LMO7: variants seen among roughly 807,000 people sequenced by gnomAD.
The protein encoded by LMO7 is LIM domain only protein 7.
Under a neutral mutation model 206.5 loss-of-function variants are expected in LMO7, and 120 were observed. The observed-to-expected ratio is 0.58, with a 90% CI of 0.50 to 0.68. The LOEUF is 0.68. Among genes scored for constraint, LMO7 ranks in the 30% least tolerant of loss-of-function variants. The pLI, the probability that LMO7 is intolerant of heterozygous loss-of-function variation, is 0.00. For synonymous variants in LMO7, 706 were observed against 681.5 expected (o/e 1.04, Z -0.56); for missense variants, 1,959 against 1,957.9 (o/e 1.00, Z -0.01).
chr13:75,745,221 A>T (rs937003615), intron 3 of LMO7, among the ~76,000 whole-genome samples: 9 of 152,250 alleles, frequency 5.9e-5, no homozygotes, highest in East Asian at 1.9e-4. Flanking sequence ...GAATGAGAAG[A>T]AGTAGTCAAG....
chr13:75,836,323 C>G, intron 18 of LMO7, 74 bp from the exon 19 acceptor site: 4 of 733,832 alleles, frequency 5.5e-6, no homozygotes, highest in Non-Finnish European at 9.2e-6. Context: ...ATATATTTCA[C>G]TAATGCGAAA....
At chr13:75,855,510 T>G (rs910140692) in intron 29 of LMO7, 142 bp downstream of exon 29, 11 of 507,188 alleles carry the variant, frequency 2.2e-5, no homozygotes, top group Admixed American at 3.4e-5. Context: ...AGTCACAAAT[T>G]GCTTGCTCCT....
chr13:75,805,902 A>G (rs1188658821), intron 9 of LMO7, 142 bp downstream of exon 9: 14 of 1,131,494 alleles, frequency 1.2e-5, no homozygotes, highest in East Asian at 2.4e-5. Context: ...TATATAATGG[A>G]AATGAATTTC....
intron 1 of LMO7, among the ~76,000 whole-genome samples, chr13:75,677,441 A>T (rs971576854): frequency 3.9e-5 from 6 of 152,236 alleles, no homozygotes; most frequent in Non-Finnish European, 8.8e-5. Context: ...TGGCTAAAAA[A>T]GCCAGTGACT....
chr13:75,807,086 A>G, intron 9 of LMO7: 1 of 179,584 alleles, frequency 5.6e-6, no homozygotes, highest in East Asian at 1.4e-4. Flanking sequence ...GCGCCACTGC[A>G]CTCAGCCTGG....
At chr13:75,845,197 A>G (rs1210286516) in intron 25 of LMO7, 130 bp from the exon 26 acceptor site, 1 of 486,310 alleles carries the variant, frequency 2.1e-6, no homozygotes, top group African/African-American at 2.0e-5. Context: ...GTTTAAACAT[A>G]ATTGCTCTCA....
At chr13:75,829,615 C>G (rs999491642) in intron 15 of LMO7, among the ~76,000 whole-genome samples, 2 of 152,100 alleles carry the variant, frequency 1.3e-5, no homozygotes, top group African/African-American at 4.8e-5. Context: ...ACTTTAACAA[C>G]TAAGTAGGCT....
At chr13:75,838,420 T>C in intron 20 of LMO7, 41 of 491,378 alleles carry the variant, frequency 8.3e-5, no homozygotes, top group East Asian at 2.1e-4. Context: ...TTTGTATACC[T>C]CTAAACATTT....
chr13:75,683,477 C>A (rs1446214303), intron 1 of LMO7, among the ~76,000 whole-genome samples: 1 of 152,142 alleles, frequency 6.6e-6, no homozygotes, highest in Non-Finnish European at 1.5e-5. Flanking sequence ...GATTATCATT[C>A]TTATTTAATA....
chr13:75,854,036 T>C (rs1056739227), intron 28 of LMO7, among the ~76,000 whole-genome samples: 1 of 152,174 alleles, frequency 6.6e-6, no homozygotes, highest in Admixed American at 6.5e-5. Context: ...TATGTTATGA[T>C]AGGGTGTTAT....
Position 75,809,169 on chromosome 13 carries a change from T to C in LMO7, c.1932T>C (p.Ile644=), listed in dbSNP as rs1195567765. ...GGTTTCTTAGACTCTTTCAAAAGAT[T>C]TATGGTGAGAATGGGTAAGTTGTGT... ...RLMVERLFQK[I]YGENGSKSMS... The change falls in exon 11 of 31, where the codon ATT becomes ATC. Residue 644 remains isoleucine, a synonymous_variant. Transcript: ENST00000377534. 1 of 1,612,566 alleles carries C rather than the reference T, an allele frequency of 6.2e-7. No individual in the cohort carries two copies. The highest frequency in any genetic ancestry group is 8.5e-7 in the Non-Finnish European group (1 of 1,178,944).
In LMO7 at chr13:75,672,461, G is replaced by A. The variant is rs559301126; in HGVS notation, c.69+35735G>A. On this transcript the variant is annotated intron_variant, in intron 1 of 30. Coordinates refer to ENST00000377534, the MANE Select transcript of LMO7 (RefSeq NM_001306080.2). ...TCTTCATGTTGGCCAGGCTGGTCTC[G>A]AACTCCCTACCTCAGGTGATACAAT... Among the ~76,000 whole-genome samples, 15 of 152,102 alleles carry A rather than the reference G, an allele frequency of 9.9e-5. No individual in the cohort carries two copies. The East Asian group carries it at 1.4e-3, about 14-fold the overall frequency.
At chr13:75,821,887 T>C (rs1159347188) in intron 14 of LMO7, among the ~76,000 whole-genome samples, 2 of 151,998 alleles carry the variant, frequency 1.3e-5, no homozygotes, top group Admixed American at 1.3e-4. Flanking sequence ...TTATAATGTC[T>C]TTTTTTTAGA....
At chr13:75,739,640 C>T (rs1387435636) in intron 3 of LMO7, among the ~76,000 whole-genome samples, 1 of 152,230 alleles carries the variant, frequency 6.6e-6, no homozygotes, top group Non-Finnish European at 1.5e-5. Context: ...TACTCTCCTA[C>T]ACACTTCCCC....
At chr13:75,855,221 C>G in intron 28 of LMO7, 39 bp from the exon 29 acceptor site, 1 of 1,253,880 alleles carries the variant, frequency 8.0e-7, no homozygotes, top group Non-Finnish European at 1.2e-6. Flanking sequence ...TTGAGCTGCC[C>G]AGGTGAAAGC....
chr13:75,639,524 A>G (rs2036303372), intron 1 of LMO7, among the ~76,000 whole-genome samples: 2 of 152,194 alleles, frequency 1.3e-5, no homozygotes. Flanking sequence ...AAGGCAGAGG[A>G]GAAGCTTGAT....
At chr13:75,852,349 G>A (rs576840846) in intron 27 of LMO7, among the ~76,000 whole-genome samples, 2 of 152,320 alleles carry the variant, frequency 1.3e-5, no homozygotes, top group African/African-American at 2.4e-5. Context: ...AGGGTGGAGT[G>A]TGGGAGGTTG....
At chr13:75,737,772 T>TGAAA (rs1297459603) in intron 3 of LMO7, among the ~76,000 whole-genome samples, 1 of 5,814 alleles carries the variant, frequency 1.7e-4, no homozygotes, top group Non-Finnish European at 2.6e-4. Flanking sequence ...AAAAATAAAA[T>TGAAA]AAAATAAAAT....
chr13:75,827,627 G>C (rs969123622), intron 15 of LMO7, among the ~76,000 whole-genome samples: 35 of 152,280 alleles, frequency 2.3e-4, no homozygotes, highest in African/African-American at 8.2e-4. Flanking sequence ...AAGGAAGAGG[G>C]AGTGTGACTC....
Sources: gnomAD v4.1 joint callset for allele counts (sites outside exome capture counted in the v4.1 genomes callset) on GRCh38, gnomAD v4.1.1 for gene constraint, MANE v1.5 for transcripts, NCBI Gene and HGNC (gene_info 2026-07-23, HGNC 2026-07-21) for gene names.